LIMCH1: variants seen among roughly 807,000 people sequenced by gnomAD.
LIMCH1 encodes the protein LIM and calponin homology domains-containing protein 1.
Under a neutral mutation model 176.5 loss-of-function variants are expected in LIMCH1, and 113 were observed. That is an observed-to-expected ratio of 0.64 (90% confidence interval 0.55 to 0.75). The LOEUF is 0.75. Among genes scored for constraint, LIMCH1 ranks in the 30% least tolerant of loss-of-function variants. LIMCH1 has a pLI of 0.00. For synonymous variants in LIMCH1, 619 were observed against 645.9 expected, an observed-to-expected ratio of 0.96 and a Z score of 0.63; for missense variants, 1,674 against 1,814.9, an observed-to-expected ratio of 0.92 and a Z score of 1.41.
At chr4:41,618,010 C>T (rs1433058021) in intron 5 of LIMCH1, among the ~76,000 whole-genome samples, 3 of 152,176 alleles carry the variant, frequency 2.0e-5, no homozygotes, top group African/African-American at 7.2e-5. Context: ...ACTGATGTAA[C>T]ATATGTAAAG....
In LIMCH1 at chr4:41,613,455, T is replaced by C; in HGVS notation, c.10-11T>C. ...TTATGTCTGTAACCCTTTCATTTTCTTTTTTGACAGGACACTGATGACATT... is the reference window on the plus strand; with the variant it reads ...TTATGTCTGTAACCCTTTCATTTTCCTTTTTGACAGGACACTGATGACATT... On this transcript the variant is annotated splice_polypyrimidine_tract_variant and intron_variant, in intron 4 of 31. Coordinates refer to ENST00000503057, the MANE Select transcript of LIMCH1 (RefSeq NM_001330672.2). The C allele has an allele frequency of 6.2e-7, 1 of 1,610,956 alleles. No individual in the cohort carries two copies. Among genetic ancestry groups the C allele is most frequent in the African/African-American group, 1.3e-5 (1 of 74,984 alleles).
At chr4:41,449,965 A>G (rs574209526) in intron 1 of LIMCH1, among the ~76,000 whole-genome samples, 1 of 152,248 alleles carries the variant, frequency 6.6e-6, no homozygotes, top group Non-Finnish European at 1.5e-5. Context: ...GTGTACCCAG[A>G]TTCCCCCTTT....
At chr4:41,416,235 A>G (rs1022738332) in intron 1 of LIMCH1, among the ~76,000 whole-genome samples, 5 of 152,174 alleles carry the variant, frequency 3.3e-5, no homozygotes, top group Non-Finnish European at 5.9e-5. Flanking sequence ...GAATAAATGT[A>G]AATAGTTTCT....
intron 22 of LIMCH1, among the ~76,000 whole-genome samples, chr4:41,673,983 T>C (rs1182704908): frequency 6.6e-6 from 1 of 152,198 alleles, no homozygotes; most frequent in African/African-American, 2.4e-5. Context: ...CTGGGCCACT[T>C]GGCTAGCTGG....
At chr4:41,632,409 A>T (rs145608045) in intron 10 of LIMCH1, among the ~76,000 whole-genome samples, 1 of 152,170 alleles carries the variant, frequency 6.6e-6, no homozygotes, top group East Asian at 1.9e-4. Flanking sequence ...AACACCAGAA[A>T]TAAAGAGTTG....
At chr4:41,373,844 A>G (rs1043704595) in intron 1 of LIMCH1, among the ~76,000 whole-genome samples, 2 of 152,078 alleles carry the variant, frequency 1.3e-5, no homozygotes, top group African/African-American at 2.4e-5. Context: ...AGGTGACTGG[A>G]TCATGGGGGC....
intron 1 of LIMCH1, among the ~76,000 whole-genome samples, chr4:41,380,666 C>T (rs979800014): frequency 6.6e-6 from 1 of 152,076 alleles, no homozygotes; most frequent in African/African-American, 2.4e-5. Flanking sequence ...TTGCAATGTG[C>T]AGCCAGGGTG....
chr4:41,462,310 A>T (rs1056165242), intron 1 of LIMCH1, among the ~76,000 whole-genome samples: 1 of 152,212 alleles, frequency 6.6e-6, no homozygotes, highest in African/African-American at 2.4e-5. Context: ...AAAAAGGATT[A>T]ATTAGATTCC....
chr4:41,525,846 T>C (rs528760975), intron 3 of LIMCH1, among the ~76,000 whole-genome samples: 38 of 152,254 alleles, frequency 2.5e-4, no homozygotes, highest in Non-Finnish European at 5.0e-4. Context: ...CATCTGTTTG[T>C]CCCTAAGCCT....
intron 1 of LIMCH1, among the ~76,000 whole-genome samples, chr4:41,411,663 G>GAA (rs992345978): frequency 1.5e-5 from 2 of 132,940 alleles, no homozygotes; most frequent in African/African-American, 5.1e-5. Flanking sequence ...AGCTTTTAGG[G>GAA]AAAAAAAAAA....
At chr4:41,474,967 G>A (rs1304724287) in intron 1 of LIMCH1, among the ~76,000 whole-genome samples, 1 of 151,660 alleles carries the variant, frequency 6.6e-6, no homozygotes, top group East Asian at 1.9e-4. Flanking sequence ...ACACAAAGGA[G>A]TATTATTCAG....
chr4:41,697,121 C>T (rs1731295880), intron 31 of LIMCH1, 39 bp from the exon 32 acceptor site: 1 of 1,610,966 alleles, frequency 6.2e-7, no homozygotes, highest in East Asian at 2.2e-5. Flanking sequence ...AGAAATGTTG[C>T]CTACCACTCT....
At chr4:41,378,599 T>C (rs541490782) in intron 1 of LIMCH1, among the ~76,000 whole-genome samples, 2 of 152,200 alleles carry the variant, frequency 1.3e-5, no homozygotes, top group African/African-American at 2.4e-5. Context: ...TTGGTGGTAG[T>C]GTAGGGGATG....
intron 2 of LIMCH1, among the ~76,000 whole-genome samples, chr4:41,601,117 C>A (rs1019752555): frequency 6.6e-6 from 1 of 152,118 alleles, no homozygotes; most frequent in African/African-American, 2.4e-5. Context: ...ATTTTTCATT[C>A]ATTCATTCAA....
At chr4:41,367,684 C>CAAAAAAAAAAAAAAAAAAAAA (rs35832745) in intron 1 of LIMCH1, among the ~76,000 whole-genome samples, 1 of 96,530 alleles carries the variant, frequency 1.0e-5, no homozygotes, top group Non-Finnish European at 1.9e-5. Context: ...ACTAAAAATC[C>CAAAAAAAAAAAAAAAAAAAAA]AAAAAAAAAA....
chr4:41,524,454 A>G (rs1366652108), exon 3 of LIMCH1: 3 of 1,613,754 alleles, frequency 1.9e-6, no homozygotes, highest in Non-Finnish European at 2.5e-6. Context: ...AGATCAATAG[A>G]TTGCCTACCC....
chr4:41,620,003 G>A (rs1333023293), intron 6 of LIMCH1: 5 of 188,206 alleles, frequency 2.7e-5, no homozygotes, highest in Non-Finnish European at 4.5e-5. Context: ...TACTTATTGA[G>A]CATCTACTAT....
chr4:41,479,541 C>T (rs1473363616), intron 1 of LIMCH1, among the ~76,000 whole-genome samples: 4 of 152,178 alleles, frequency 2.6e-5, no homozygotes, highest in South Asian at 2.1e-4. Context: ...CGTGAGCCAC[C>T]GCGCCCAGCA....
chr4:41,636,330 T>C (rs993765475), intron 13 of LIMCH1, among the ~76,000 whole-genome samples: 3 of 147,738 alleles, frequency 2.0e-5, no homozygotes, highest in Non-Finnish European at 4.5e-5. Flanking sequence ...TTGGAAAGAT[T>C]GCTTTATTAC....
Sources: gnomAD v4.1 joint callset for allele counts (sites outside exome capture counted in the v4.1 genomes callset) on GRCh38, gnomAD v4.1.1 for gene constraint, MANE v1.5 for transcripts, NCBI Gene and HGNC (gene_info 2026-07-23, HGNC 2026-07-21) for gene names.